NCOR1: variants seen among roughly 807,000 people sequenced by gnomAD.
NCOR1 encodes protein phosphatase 1, regulatory subunit 109.
NCOR1 carries 63 observed loss-of-function variants against 288.1 expected under a neutral mutation model. That is an observed-to-expected ratio of 0.22 (90% confidence interval 0.18 to 0.27). NCOR1 has a LOEUF of 0.27. NCOR1 is among the 10% of genes least tolerant of loss of function. NCOR1 has a pLI of 1.00. For synonymous variants in NCOR1, 1,007 were observed against 1,065.9 expected (o/e 0.94, Z 1.08); for missense variants, 2,397 against 3,019.2 (o/e 0.79, Z 4.83).
chr17:16,073,562 C>G lies in NCOR1; in HGVS notation c.3678G>C (p.Lys1226Asn), dbSNP rs199584699. The G allele has an allele frequency of 1.2e-6, 2 of 1,605,926 alleles. No homozygotes were observed. Among genetic ancestry groups the G allele is most frequent in the East Asian group, 2.3e-5 (1 of 44,422 alleles). ...GACTCCTAGTCCCTTCTCGGGCATTCTTAATATCTACAGAATACACAAACA... is the reference window on the plus strand; with the variant it reads ...GACTCCTAGTCCCTTCTCGGGCATTGTTAATATCTACAGAATACACAAACA... ...SGHILSYDNI[K>N]NAREGTRSPR... is the part of the protein sequence containing the mutation. Residue 1226 changes from lysine to asparagine, a missense_variant, in exon 28 of 46, where the codon AAG becomes AAC. Transcript: ENST00000268712.
intron 22 of NCOR1, among the ~76,000 whole-genome samples, chr17:16,089,712 C>T (rs532549869): frequency 6.6e-6 from 1 of 152,194 alleles, no homozygotes; most frequent in East Asian, 1.9e-4. Flanking sequence ...ATAAACTGTT[C>T]TATGAGGTTA....
chr17:16,112,019 G>A (rs1323184325), intron 18 of NCOR1, among the ~76,000 whole-genome samples: 5 of 151,860 alleles, frequency 3.3e-5, no homozygotes, highest in East Asian at 3.9e-4. Flanking sequence ...ACAGGTGCCC[G>A]CCACCATGCC....
chr17:16,191,587 A>AT (rs1203494454), intron 2 of NCOR1, among the ~76,000 whole-genome samples: 1 of 109,714 alleles, frequency 9.1e-6, no homozygotes, highest in African/African-American at 3.1e-5. Flanking sequence ...AAGCTAATGG[A>AT]TTTAAAAAAA....
At chr17:16,185,893 T>C (rs1272602615) in intron 3 of NCOR1, among the ~76,000 whole-genome samples, 2 of 151,564 alleles carry the variant, frequency 1.3e-5, no homozygotes, top group Non-Finnish European at 2.9e-5. Flanking sequence ...GCCATGATCA[T>C]GCCACTGCAC....
Position 16,172,001 on chromosome 17 carries a change from A to G in NCOR1, c.243-6T>C. ...TAGTTCTCCTTTCTTGAGGCCTAAT[A>G]CATACAAAGAAAATAAACACTTGAA... On this transcript the variant is annotated splice_region_variant and splice_polypyrimidine_tract_variant and intron_variant, in intron 3 of 45. Coordinates refer to ENST00000268712, the MANE Select transcript of NCOR1 (RefSeq NM_006311.4). 6.5e-7 allele frequency: 1 copy of G among 1,530,930 alleles called. No individual in the cohort carries two copies. Among genetic ancestry groups the G allele is most frequent in the South Asian group, 1.2e-5 (1 of 80,134 alleles). 94.8% of individuals were successfully genotyped at this position (1,530,930 alleles called of 1,614,324 possible).
chr17:16,078,338 TAGTA>T (rs1056886158), intron 26 of NCOR1, among the ~76,000 whole-genome samples: 13 of 152,308 alleles, frequency 8.5e-5, no homozygotes, highest in African/African-American at 2.4e-4. Context: ...GTGAACTCAT[TAGTA>T]AGTGTCTAGA....
rs919973331 is a variant in NCOR1, at chr17:16,044,931, G to A, written c.6679+2020C>T. 6.4e-6 allele frequency: 4 copies of A among 628,078 alleles called. No individual in the cohort carries two copies. In the African/African-American group the frequency reaches 7.4e-5, roughly 12 times the overall value. 38.9% of individuals were successfully genotyped at this position (628,078 alleles called of 1,614,324 possible). ...CAAAGAAGAATCTGAGGAGTCTGAT[G>A]ATGACATGGGCTTTTGGTTGTTTTG... On this transcript the variant is annotated intron_variant, in intron 42 of 45. Coordinates refer to ENST00000268712, the MANE Select transcript of NCOR1 (RefSeq NM_006311.4).
intron 1 of NCOR1, among the ~76,000 whole-genome samples, chr17:16,212,254 G>A (rs912580229): frequency 1.3e-5 from 2 of 150,704 alleles, no homozygotes; most frequent in Non-Finnish European, 2.9e-5. Flanking sequence ...TGACAAGAGC[G>A]AGACCCTGTC....
At chr17:16,157,458 G>GTATT (rs746366887) in intron 6 of NCOR1, among the ~76,000 whole-genome samples, 18 of 151,994 alleles carry the variant, frequency 1.2e-4, no homozygotes, top group Admixed American at 2.0e-4. Context: ...CTATAAATGT[G>GTATT]TATTTATTTA....
chr17:16,187,523 A>G (rs1390145876), intron 2 of NCOR1, among the ~76,000 whole-genome samples: 2 of 147,176 alleles, frequency 1.4e-5, no homozygotes, highest in Non-Finnish European at 3.0e-5. Context: ...CAAACATAGA[A>G]AACATTATAC....
At chr17:16,079,269 C>T (rs528635330) in intron 26 of NCOR1, among the ~76,000 whole-genome samples, 1 of 152,262 alleles carries the variant, frequency 6.6e-6, no homozygotes, top group Non-Finnish European at 1.5e-5. Context: ...ACTTTGAGAA[C>T]AACTGTCTTA....
chr17:16,193,049 G>A lies in NCOR1; in HGVS notation c.108+1413C>T, dbSNP rs569137706. On this transcript the variant is annotated intron_variant, in intron 2 of 45. Transcript: ENST00000268712. The stretch of plus-strand genomic sequence containing the variant: ...GAAGTCGGGGAGGAGGACTGACACG[G>A]GTGGGTGCCAAGGAGGATGGGGTGC... Among the ~76,000 whole-genome samples, 5 of 152,266 alleles carry A rather than the reference G, an allele frequency of 3.3e-5. No individual in the cohort carries two copies. In the East Asian group the frequency reaches 9.7e-4, roughly 29 times the overall value.
Position 16,091,963 on chromosome 17 carries a change from G to C in NCOR1, c.2916C>G (p.Leu972=). Residue 972 remains leucine, a synonymous_variant, in exon 22 of 46, where the codon CTC becomes CTG. Transcript: ENST00000268712. The stretch of plus-strand genomic sequence containing the variant: ...CTTGTCTCTGCCGCTGCTCCTCCAG[G>C]AGTGCTGACTCATGCATTGCTTTAA... ...RHIKAMHESA[L]LEEQRQRQEQ... is the part of the protein sequence containing the mutation. 6.2e-7 allele frequency: 1 copy of C among 1,614,208 alleles called. No homozygotes were observed. The highest frequency in any genetic ancestry group is 8.5e-7 in the Non-Finnish European group (1 of 1,180,044).
rs774593272 is a variant in NCOR1 at position 16,057,707 on chromosome 17, G to C, written c.6199C>G (p.Gln2067Glu). ...QIITQDFARN[Q>E]VSSQTPQQPP... ...TGCTGGGGAGTCTGCGAGGAAACTT[G>C]ATTTCTAGCAAAATCTTGTGTGATA... The change falls in exon 40 of 46, where the codon CAA becomes GAA. Residue 2067 changes from glutamine to glutamate, a missense_variant. Physicochemically the swap from Gln to Glu is conservative, Grantham distance 29. This residue lies in a region of NCOR1 where 1,872 missense variants were observed against 2,187.8 expected (regional missense o/e 0.86). Coordinates refer to ENST00000268712, the MANE Select transcript of NCOR1 (RefSeq NM_006311.4). 4 of 1,613,886 alleles carry C rather than the reference G, an allele frequency of 2.5e-6. No individual in the cohort carries two copies. The highest frequency in any genetic ancestry group is 2.2e-5 in the South Asian group (2 of 91,046).
intron 1 of NCOR1, among the ~76,000 whole-genome samples, chr17:16,200,533 A>C (rs1202991063): frequency 1.3e-5 from 2 of 149,352 alleles, no homozygotes; most frequent in Non-Finnish European, 3.0e-5. Flanking sequence ...CTAAAAATAT[A>C]CTTCACTGTG....
intron 4 of NCOR1, among the ~76,000 whole-genome samples, chr17:16,166,254 C>G (rs1163696406): frequency 2.0e-5 from 3 of 152,192 alleles, no homozygotes; most frequent in Admixed American, 6.5e-5. Flanking sequence ...AGAATTAAAG[C>G]TCCAGTATCC....
intron 26 of NCOR1, among the ~76,000 whole-genome samples, chr17:16,076,850 TAC>T (rs1448960855): frequency 6.6e-6 from 1 of 152,086 alleles, no homozygotes; most frequent in Non-Finnish European, 1.5e-5. Flanking sequence ...GCAAAACCAT[TAC>T]ATATGACAAG....
intron 28 of NCOR1, 81 bp from the exon 29 acceptor site, chr17:16,072,309 C>A: frequency 9.2e-7 from 1 of 1,087,056 alleles, no homozygotes; most frequent in Non-Finnish European, 1.3e-6. Flanking sequence ...TTCTTAAAGT[C>A]TATGTTTTTG....
At chr17:16,035,195 T>C (rs1349356040) in intron 44 of NCOR1, among the ~76,000 whole-genome samples, 1 of 152,186 alleles carries the variant, frequency 6.6e-6, no homozygotes, top group African/African-American at 2.4e-5. Flanking sequence ...TGCATGGCGG[T>C]TGCCAAAGGC....
Sources: gnomAD v4.1 joint callset for allele counts (sites outside exome capture counted in the v4.1 genomes callset) on GRCh38, gnomAD v4.1.1 for gene constraint, gnomAD v4.1.1 regional missense constraint, MANE v1.5 for transcripts, NCBI Gene and HGNC (gene_info 2026-07-23, HGNC 2026-07-21) for gene names.